The following ZBTB7C variants were observed in gnomAD, a reference collection of about 807,000 sequenced individuals.
ZBTB7C encodes zinc finger and BTB domain-containing protein 7C.
In ZBTB7C, 8 loss-of-function variants were observed where a neutral mutation model predicts 25.7. The observed-to-expected ratio is 0.31, with a 90% CI of 0.18 to 0.56. The LOEUF (loss-of-function observed/expected upper bound fraction) is 0.56. Ranked by LOEUF, ZBTB7C falls within the 20% of genes least tolerant of loss-of-function variation. The pLI, the probability that ZBTB7C is intolerant of heterozygous loss-of-function variation, is 0.91. For missense variants in ZBTB7C, 824 were observed against 855.2 expected, an observed-to-expected ratio of 0.96 and a Z score of 0.46; for synonymous variants, 394 against 369.0, an observed-to-expected ratio of 1.07 and a Z score of -0.78.
intron 2 of ZBTB7C, among the ~76,000 whole-genome samples, chr18:48,224,097 C>T (rs1337625764): frequency 6.6e-6 from 1 of 152,178 alleles, no homozygotes; most frequent in East Asian, 1.9e-4. Flanking sequence ...TGTCTACCTA[C>T]AGGCTTCCTG....
chr18:48,305,452 T>C (rs1027761266), intron 2 of ZBTB7C, among the ~76,000 whole-genome samples: 2 of 152,180 alleles, frequency 1.3e-5, no homozygotes, highest in Admixed American at 6.5e-5. Flanking sequence ...GCCCAGACCG[T>C]AGCTTTATGA....
At chr18:48,095,205 T>C (rs1431600150) in intron 3 of ZBTB7C, among the ~76,000 whole-genome samples, 1 of 152,138 alleles carries the variant, frequency 6.6e-6, no homozygotes. Flanking sequence ...AGTCCTTGGA[T>C]TCTCATGGCC....
At position 48,127,248 on chromosome 18, in the gene ZBTB7C, A is replaced by C. The variant is rs1303680647; in HGVS notation, c.-17+58686T>G. ...CCCTGATTCCAGAGCCTATGTGCTA[A>C]GAGGCTGTGCCATACTGCTTCATCA... On this transcript the variant is annotated intron_variant, in intron 3 of 4. Coordinates refer to ENST00000590800, the MANE Select transcript of ZBTB7C (RefSeq NM_001318841.2). 5.3e-5 allele frequency among the ~76,000 whole-genome samples: 8 copies of C among 152,302 alleles called. No homozygotes were observed. In the East Asian group the frequency reaches 1.4e-3, roughly 26 times the overall value.
chr18:48,222,855 C>T (rs1212392264), intron 2 of ZBTB7C, among the ~76,000 whole-genome samples: 1 of 152,188 alleles, frequency 6.6e-6, no homozygotes, highest in East Asian at 1.9e-4. Context: ...CTCCTATGCT[C>T]TGTACCCAAT....
intron 2 of ZBTB7C, among the ~76,000 whole-genome samples, chr18:48,308,730 T>C (rs1241424924): frequency 6.6e-6 from 1 of 152,228 alleles, no homozygotes; most frequent in Non-Finnish European, 1.5e-5. Context: ...TGAGTAGTTC[T>C]GTTCGTTCTA....
intron 2 of ZBTB7C, among the ~76,000 whole-genome samples, chr18:48,243,235 G>C (rs2043578064): frequency 7.7e-6 from 1 of 130,372 alleles, no homozygotes; most frequent in South Asian, 2.5e-4. Flanking sequence ...CTGCACTCCA[G>C]CTTAGCTGAC....
intron 3 of ZBTB7C, among the ~76,000 whole-genome samples, chr18:48,056,483 TAGAA>T (rs1598794752): frequency 6.6e-6 from 1 of 152,146 alleles, no homozygotes. Flanking sequence ...GAAGACACAT[TAGAA>T]AGCCATAAAA....
At chr18:48,222,546 C>T (rs962267987) in intron 2 of ZBTB7C, among the ~76,000 whole-genome samples, 10 of 152,286 alleles carry the variant, frequency 6.6e-5, no homozygotes, top group African/African-American at 1.2e-4. Context: ...CCACATTCAT[C>T]GATTGAGAAA....
At chr18:48,333,643 T>A (rs1160010762) in intron 2 of ZBTB7C, among the ~76,000 whole-genome samples, 1 of 152,144 alleles carries the variant, frequency 6.6e-6, no homozygotes, top group Non-Finnish European at 1.5e-5. Flanking sequence ...GAAATAGATG[T>A]TAAGTCACAG....
chr18:48,361,425 G>A (rs1028380301), intron 1 of ZBTB7C, among the ~76,000 whole-genome samples: 4 of 152,282 alleles, frequency 2.6e-5, no homozygotes, highest in African/African-American at 9.6e-5. Flanking sequence ...GAGGAGGCTC[G>A]TGTTGATTCT....
chr18:48,313,264 A>G (rs558801065), intron 2 of ZBTB7C, among the ~76,000 whole-genome samples: 1 of 152,304 alleles, frequency 6.6e-6, no homozygotes, highest in South Asian at 2.1e-4. Context: ...GAAACCCTAG[A>G]GTTCGGAGTG....
intron 2 of ZBTB7C, among the ~76,000 whole-genome samples, chr18:48,245,735 C>T (rs774796423): frequency 2.0e-5 from 3 of 151,978 alleles, no homozygotes; most frequent in Non-Finnish European, 4.4e-5. Context: ...ATGCTAGAGC[C>T]GGTTGAGCCC....
intron 1 of ZBTB7C, among the ~76,000 whole-genome samples, chr18:48,406,453 T>C (rs951258527): frequency 2.0e-5 from 3 of 152,200 alleles, no homozygotes; most frequent in African/African-American, 7.2e-5. Flanking sequence ...TCTCCCCGTC[T>C]CTCTGCCTCA....
intron 2 of ZBTB7C, among the ~76,000 whole-genome samples, chr18:48,206,765 A>G (rs572438419): frequency 3.9e-4 from 59 of 152,316 alleles, no homozygotes; most frequent in African/African-American, 1.3e-3. Flanking sequence ...CTGCTGAACG[A>G]CACCCCTGGA....
intron 4 of ZBTB7C, among the ~76,000 whole-genome samples, chr18:48,032,289 T>C (rs575614443): frequency 2.6e-5 from 4 of 151,580 alleles, no homozygotes; most frequent in Non-Finnish European, 2.9e-5. Context: ...AATTTTTGTA[T>C]TTTTTTAAGT....
chr18:48,269,860 C>CT (rs1568342264), intron 2 of ZBTB7C, among the ~76,000 whole-genome samples: 1 of 152,112 alleles, frequency 6.6e-6, no homozygotes, highest in East Asian at 1.9e-4. Context: ...CTAGTCCACA[C>CT]TGGAGGTTCA....
chr18:48,078,250 T>A (rs1264195546), intron 3 of ZBTB7C, among the ~76,000 whole-genome samples: 1 of 152,188 alleles, frequency 6.6e-6, no homozygotes, highest in Non-Finnish European at 1.5e-5. Flanking sequence ...AGGGAAAGGA[T>A]CCTACCGGGA....
intron 2 of ZBTB7C, among the ~76,000 whole-genome samples, chr18:48,321,389 G>A (rs531181008): frequency 6.6e-6 from 1 of 152,330 alleles, no homozygotes; most frequent in African/African-American, 2.4e-5. Context: ...GTGCTGGGTA[G>A]AGCATGTACC....
intron 2 of ZBTB7C, among the ~76,000 whole-genome samples, chr18:48,204,778 A>G (rs919647913): frequency 2.6e-5 from 4 of 152,070 alleles, no homozygotes; most frequent in Admixed American, 6.6e-5. Flanking sequence ...CTCTCCCAAC[A>G]CATCCCAGCT....
Sources: gnomAD v4.1 joint callset for allele counts (sites outside exome capture counted in the v4.1 genomes callset) on GRCh38, gnomAD v4.1.1 for gene constraint, MANE v1.5 for transcripts, NCBI Gene and HGNC (gene_info 2026-07-23, HGNC 2026-07-21) for gene names.